Variants in GARIN5A observed in about 807,000 individuals in gnomAD.
GARIN5A encodes golgi associated RAB2 interactor 5A.
the GARIN5A span, among the ~76,000 whole-genome samples, chr19:50,474,944 C>T: frequency 2.6e-5 from 4 of 152,298 alleles, no homozygotes; most frequent in South Asian, 4.1e-4. Context: ...AACTGGCTCC[C>T]GGCTCTCTGA....
At chr19:50,472,013 C>CGT in the GARIN5A span, among the ~76,000 whole-genome samples, 71 of 128,744 alleles carry the variant, frequency 5.5e-4, no homozygotes, top group African/African-American at 2.2e-3. Context: ...TGTATATATA[C>CGT]GTGTGTATAT....
chr19:50,475,136 A>G, the GARIN5A span, among the ~76,000 whole-genome samples: 32,323 of 152,032 alleles, frequency 0.21, 6,761 homozygotes, highest in African/African-American at 0.55. Context: ...GGTCTGTCTA[A>G]TCTCTGATTT....
the GARIN5A span, among the ~76,000 whole-genome samples, chr19:50,472,090 A>ATGTATATATACGTG: frequency 1.9e-4 from 22 of 113,250 alleles, 1 homozygote; most frequent in African/African-American, 3.2e-4. Flanking sequence ...ATGTGTGTAT[A>ATGTATATATACGTG]TGTATATGTA....
the GARIN5A span, among the ~76,000 whole-genome samples, chr19:50,471,920 GTATATACATGTATGTGTGTAAGTA>G: frequency 6.7e-6 from 1 of 150,326 alleles, no homozygotes; most frequent in Admixed American, 6.6e-5. Context: ...GTGTATATGT[GTATATACATGTATGTGTGTAAGTA>G]TATATACATG....
At chr19:50,475,047 C>T in the GARIN5A span, among the ~76,000 whole-genome samples, 66 of 152,268 alleles carry the variant, frequency 4.3e-4, no homozygotes, top group Admixed American at 9.2e-4. Flanking sequence ...GGCCTAGGGG[C>T]GTCTGGCATG....
At chr19:50,467,627 A>C in the GARIN5A span, 1 of 1,556,828 alleles carries the variant, frequency 6.4e-7, no homozygotes. Flanking sequence ...AGCACCTCTT[A>C]CTCCTGCGTG....
the GARIN5A span, among the ~76,000 whole-genome samples, chr19:50,468,951 G>A: frequency 0.019 from 2,869 of 151,934 alleles, 73 homozygotes; most frequent in East Asian, 0.11. Flanking sequence ...TCCCTCCTCC[G>A]CCACCCTTGC....
At chr19:50,468,170 G>A in the GARIN5A span, among the ~76,000 whole-genome samples, 1 of 152,036 alleles carries the variant, frequency 6.6e-6, no homozygotes, top group East Asian at 1.9e-4. Context: ...AGACCAGCCT[G>A]GCCAACATGG....
At chr19:50,475,249 AG>A in the GARIN5A span, 1 of 1,497,952 alleles carries the variant, frequency 6.7e-7, no homozygotes, top group East Asian at 2.3e-5. Flanking sequence ...GGTCTGGACG[AG>A]GGGAGGTACT....
the GARIN5A span, among the ~76,000 whole-genome samples, chr19:50,472,050 ATATACGTGTG>A: frequency 1.4e-5 from 2 of 142,326 alleles, no homozygotes; most frequent in African/African-American, 6.0e-5. Flanking sequence ...GTATATGTAT[ATATACGTGTG>A]TGTATATGTG....
the GARIN5A span, among the ~76,000 whole-genome samples, chr19:50,472,247 A>G: frequency 2.2e-5 from 2 of 91,840 alleles, no homozygotes; most frequent in South Asian, 3.1e-4. Flanking sequence ...TGTGTATTAT[A>G]TATACATGTA....
At chr19:50,471,227 A>G in the GARIN5A span, among the ~76,000 whole-genome samples, 4 of 151,872 alleles carry the variant, frequency 2.6e-5, no homozygotes, top group East Asian at 7.8e-4. Flanking sequence ...GGCCTCCCAA[A>G]TGCTGGGATT....
chr19:50,472,634 C>T, the GARIN5A span, among the ~76,000 whole-genome samples: 2 of 152,104 alleles, frequency 1.3e-5, no homozygotes, highest in Non-Finnish European at 2.9e-5. Flanking sequence ...GTGGGTCACA[C>T]GTATAGTCCC....
the GARIN5A span, among the ~76,000 whole-genome samples, chr19:50,472,002 A>ATG: frequency 3.3e-5 from 5 of 149,830 alleles, no homozygotes; most frequent in African/African-American, 1.3e-4. Flanking sequence ...ATATACGTGT[A>ATG]TGTATATATA....
chr19:50,473,229 G>A, the GARIN5A span, among the ~76,000 whole-genome samples: 3 of 152,180 alleles, frequency 2.0e-5, no homozygotes, highest in African/African-American at 7.2e-5. Flanking sequence ...TGCAGAGAAG[G>A]AACTGTGGAC....
At chr19:50,467,615 C>T in the GARIN5A span, 8 of 1,554,256 alleles carry the variant, frequency 5.1e-6, no homozygotes, top group Non-Finnish European at 8.7e-7. Context: ...TCTACATCCT[C>T]CAGCACCTCT....
the GARIN5A span, among the ~76,000 whole-genome samples, chr19:50,472,188 A>G: frequency 7.0e-4 from 73 of 104,110 alleles, no homozygotes; most frequent in African/African-American, 1.2e-3. Flanking sequence ...GTATGTATAC[A>G]TGTATGTGTG....
At chr19:50,471,974 GTA>G in the GARIN5A span, among the ~76,000 whole-genome samples, 426 of 148,974 alleles carry the variant, frequency 2.9e-3, 9 homozygotes, top group African/African-American at 9.2e-3. Flanking sequence ...ATATATACAT[GTA>G]TGTGTGTATA....
At chr19:50,472,509 T>C in the GARIN5A span, among the ~76,000 whole-genome samples, 1 of 152,040 alleles carries the variant, frequency 6.6e-6, no homozygotes, top group Admixed American at 6.6e-5. Context: ...GAGAGGGTCA[T>C]AGCCACTCTC....
Sources: allele counts gnomAD v4.1 joint callset (sites outside exome capture counted in the v4.1 genomes callset), GRCh38; gene constraint gnomAD v4.1.1; transcripts MANE v1.5; gene names NCBI Gene and HGNC (gene_info 2026-07-23, HGNC 2026-07-21).